Variants in SNX29 observed in about 807,000 individuals in gnomAD.
SNX29 encodes the protein sorting nexin 29.
SNX29 carries 78 observed loss-of-function variants against 102.1 expected under a neutral mutation model. That is an observed-to-expected ratio of 0.76 (90% CI 0.64 to 0.92). The LOEUF (loss-of-function observed/expected upper bound fraction) is 0.92, where lower values mean the gene tolerates loss of function less well. SNX29 is among the 40% of genes least tolerant of loss of function. SNX29 has a pLI of 0.00. For missense variants in SNX29, 1,280 were observed against 1,061.7 expected, an observed-to-expected ratio of 1.21 and a Z score of -2.86; for synonymous variants, 580 against 414.5, an observed-to-expected ratio of 1.40 and a Z score of -4.85.
intron 7 of SNX29, among the ~76,000 whole-genome samples, chr16:12,050,800 C>T (rs1371807434): frequency 6.6e-6 from 1 of 152,126 alleles, no homozygotes; most frequent in Admixed American, 6.5e-5. Flanking sequence ...CAACCTCTGC[C>T]TCCCGTGTTC....
At chr16:12,527,994 T>TTA (rs1381159236) in intron 20 of SNX29, among the ~76,000 whole-genome samples, 1 of 151,326 alleles carries the variant, frequency 6.6e-6, no homozygotes, top group Non-Finnish European at 1.5e-5. Flanking sequence ...CTGGCTATTT[T>TTA]TTTTTTATTT....
intron 20 of SNX29, among the ~76,000 whole-genome samples, chr16:12,551,181 T>C (rs970344803): frequency 9.2e-5 from 14 of 152,092 alleles, no homozygotes; most frequent in African/African-American, 2.9e-4. Context: ...TCGTGCAGAC[T>C]TCCCCACAGA....
intron 3 of SNX29, among the ~76,000 whole-genome samples, chr16:12,018,629 G>T (rs977103258): frequency 2.0e-5 from 3 of 151,400 alleles, no homozygotes; most frequent in African/African-American, 4.8e-5. Flanking sequence ...TTACTGTTAT[G>T]CATCAAGTTC....
intron 14 of SNX29, among the ~76,000 whole-genome samples, chr16:12,219,610 A>G (rs537974146): frequency 2.0e-5 from 3 of 152,192 alleles, no homozygotes; most frequent in Non-Finnish European, 4.4e-5. Flanking sequence ...CGTGAAGACC[A>G]TTCTTCCCTT....
At chr16:12,230,941 G>A (rs959541321) in intron 14 of SNX29, among the ~76,000 whole-genome samples, 2 of 152,098 alleles carry the variant, frequency 1.3e-5, no homozygotes, top group African/African-American at 2.4e-5. Context: ...ACGCCTCTTG[G>A]GTTCAAGCGA....
At chr16:12,444,842 G>GTTTTTTTTTTT (rs34218008) in intron 18 of SNX29, among the ~76,000 whole-genome samples, 4 of 132,606 alleles carry the variant, frequency 3.0e-5, no homozygotes, top group Non-Finnish European at 3.1e-5. Flanking sequence ...GTTTTTTTTT[G>GTTTTTTTTTTT]TTTTTTTTTT....
intron 13 of SNX29, among the ~76,000 whole-genome samples, chr16:12,178,368 T>A (rs947407693): frequency 2.0e-5 from 3 of 152,154 alleles, no homozygotes; most frequent in Non-Finnish European, 2.9e-5. Context: ...GTGGGAGGTT[T>A]AAGTCATGCT....
rs909133969 is a variant in SNX29, at chr16:12,569,392, A to C, written c.*763A>C. 7.8e-5 allele frequency: 18 copies of C among 230,598 alleles called. No individual in the cohort carries two copies. The highest frequency in any genetic ancestry group is 5.1e-5 in the Non-Finnish European group (6 of 116,550). The allele number at this position is 230,598 out of a possible 1,614,324, so 14.3% of individuals were successfully genotyped here. On this transcript the variant is annotated 3_prime_UTR_variant, in exon 21 of 21. Transcript: ENST00000566228. ...GGGGACTCAGACATCTGGCCCAGCC[A>C]TCAGCAGCAACCTAGTAACCCGGCG...
chr16:12,132,051 A>T (rs1259272650), intron 13 of SNX29, among the ~76,000 whole-genome samples: 2 of 151,884 alleles, frequency 1.3e-5, no homozygotes, highest in East Asian at 3.9e-4. Flanking sequence ...TGAAGTCTTT[A>T]GAGGTTCTGG....
rs190575904 is a variant in SNX29 at position 12,540,711 on chromosome 16, C to T, written c.2318+15870C>T. On this transcript the variant is annotated intron_variant, in intron 20 of 20. Coordinates refer to ENST00000566228, the MANE Select transcript of SNX29 (RefSeq NM_032167.5). The stretch of plus-strand genomic sequence containing the variant: ...TTGTAGAAGCTCACATATGAAGACG[C>T]TCCAGGGATGAAGAGCTGGGCATCC... 1.4e-4 allele frequency among the ~76,000 whole-genome samples: 21 copies of T among 152,336 alleles called. No homozygotes were observed. In the East Asian group the frequency reaches 3.9e-3, roughly 28 times the overall value.
intron 3 of SNX29, among the ~76,000 whole-genome samples, chr16:12,020,893 G>A (rs980579971): frequency 2.0e-5 from 3 of 152,142 alleles, no homozygotes; most frequent in Non-Finnish European, 4.4e-5. Flanking sequence ...CAAAGTGCTG[G>A]GATTACAGGC....
chr16:12,156,317 G>T (rs2141627369), intron 13 of SNX29, among the ~76,000 whole-genome samples: 1 of 152,328 alleles, frequency 6.6e-6, no homozygotes, highest in Admixed American at 6.5e-5. Flanking sequence ...GGGACTACAG[G>T]CACCCACCAC....
At chr16:12,293,312 T>A (rs2079863809) in intron 15 of SNX29, among the ~76,000 whole-genome samples, 1 of 152,150 alleles carries the variant, frequency 6.6e-6, no homozygotes, top group South Asian at 2.1e-4. Flanking sequence ...ATGCTGAGGC[T>A]CAGAAAGGTT....
intron 14 of SNX29, among the ~76,000 whole-genome samples, chr16:12,240,989 C>T (rs905463560): frequency 6.6e-6 from 1 of 152,022 alleles, no homozygotes; most frequent in Non-Finnish European, 1.5e-5. Context: ...TAATTTTTAC[C>T]TAATCAAATC....
chr16:12,309,794 T>G (rs142898519), intron 15 of SNX29, among the ~76,000 whole-genome samples: 2 of 152,278 alleles, frequency 1.3e-5, no homozygotes, highest in East Asian at 3.9e-4. Flanking sequence ...AGGGTTTCCT[T>G]TAGAAAGGGC....
rs550172744 is a variant in SNX29 at position 12,408,649 on chromosome 16, C to A, written c.2037+5120C>A. Among the ~76,000 whole-genome samples the A allele has an allele frequency of 4.6e-5, 7 of 152,206 alleles. 1 individual carries two copies. The East Asian group carries it at 9.7e-4, about 21-fold the overall frequency. Reference sequence around the variant, plus strand: ...CAGCCTGGTCAACATGGTGAAACCCCATCTCTACTAAAAATACAAAAATTA... The same window carrying A: ...CAGCCTGGTCAACATGGTGAAACCCAATCTCTACTAAAAATACAAAAATTA... On this transcript the variant is annotated intron_variant, in intron 18 of 20. Transcript: ENST00000566228.
chr16:12,394,238 G>A (rs754211280), intron 16 of SNX29, among the ~76,000 whole-genome samples: 3 of 152,198 alleles, frequency 2.0e-5, no homozygotes, highest in South Asian at 2.1e-4. Flanking sequence ...TCAGAGGTCC[G>A]TTTACCAGCT....
intron 14 of SNX29, among the ~76,000 whole-genome samples, chr16:12,229,999 C>T (rs889305105): frequency 6.6e-6 from 1 of 152,238 alleles, no homozygotes; most frequent in African/African-American, 2.4e-5. Flanking sequence ...GTCACAACTG[C>T]TCAGCTCTGC....
intron 15 of SNX29, among the ~76,000 whole-genome samples, chr16:12,321,160 C>T (rs1740383825): frequency 6.6e-6 from 1 of 152,140 alleles, no homozygotes; most frequent in Non-Finnish European, 1.5e-5. Context: ...CCACACTGCT[C>T]TGTTCCTACC....
Sources: allele counts gnomAD v4.1 joint callset (sites outside exome capture counted in the v4.1 genomes callset), GRCh38; gene constraint gnomAD v4.1.1; transcripts MANE v1.5; gene names NCBI Gene and HGNC (gene_info 2026-07-23, HGNC 2026-07-21).